Variants in FOXC1 observed in about 807,000 individuals in gnomAD.
FOXC1 encodes the protein forkhead box protein C1.
A neutral mutation model predicts 8.1 loss-of-function variants in FOXC1; 5 were observed. That is an observed-to-expected ratio of 0.62 (90% CI 0.32 to 1.30). The LOEUF (loss-of-function observed/expected upper bound fraction) is 1.30. Ranked by LOEUF, FOXC1 falls within the 50% of genes most tolerant of loss-of-function variation. The pLI is 0.05. For missense variants in FOXC1, 942 were observed against 858.0 expected (o/e 1.10, Z -1.22); for synonymous variants, 552 against 417.2 (o/e 1.32, Z -3.94).
At position 1,611,906 on chromosome 6, in the gene FOXC1, CGCGGCGGCG is replaced by C. The variant is rs747574884; in HGVS notation, c.1473_1481del (p.Ala493_Ala495del). On this transcript the variant is annotated inframe_deletion, in exon 1 of 1. Transcript: ENST00000645831. The surrounding 1 kb of genome is among the most constrained non-coding windows in gnomAD (Gnocchi z 7.1). Reference sequence around the variant, plus strand: ...GCGGAGACCTGGGCCACTTGGCGAGCGCGGCGGCGGCGGCGGCGGCCGCAGGCTACCCGG... The same window carrying C: ...GCGGAGACCTGGGCCACTTGGCGAGCGCGGCGGCGGCCGCAGGCTACCCGG... The C allele has an allele frequency of 2.1e-4, 324 of 1,536,736 alleles. 3 individuals carry two copies. In the South Asian group the frequency reaches 3.1e-3, roughly 15 times the overall value.
In FOXC1 at chr6:1,611,372, C is replaced by A. The variant is rs1762541775; in HGVS notation, c.927C>A (p.Ser309Arg). 1 of 1,445,644 alleles carries A rather than the reference C, an allele frequency of 6.9e-7. No individual in the cohort carries two copies. Among genetic ancestry groups the A allele is most frequent in the Admixed American group, 2.4e-5 (1 of 42,526 alleles). 89.6% of individuals were successfully genotyped at this position (1,445,644 alleles called of 1,614,324 possible). Reference protein sequence around the residue: ...APPPHHSQGFSVDNIMTSLRG... With the variant: ...APPPHHSQGFRVDNIMTSLRG... ...CGCCGCACCATAGCCAGGGCTTCAG[C>A]GTGGACAACATCATGACGTCGCTGC... Residue 309 changes from serine to arginine, a missense_variant, in exon 1 of 1, where the codon AGC (serine) becomes AGA (arginine). Coordinates refer to ENST00000645831, the MANE Select transcript of FOXC1 (RefSeq NM_001453.3). This position sits in a 1 kb window ranked among gnomAD's most constrained non-coding sequence, Gnocchi z 7.1.
Position 1,611,503 on chromosome 6 carries a change from A to G in FOXC1, c.1058A>G (p.Tyr353Cys). The G allele has an allele frequency of 7.3e-7, 1 of 1,368,886 alleles. No individual in the cohort carries two copies. Among genetic ancestry groups the G allele is most frequent in the Non-Finnish European group, 9.5e-7 (1 of 1,055,746 alleles). 84.8% of individuals were successfully genotyped at this position (1,368,886 alleles called of 1,614,324 possible). A position where few individuals can be genotyped will look rare whatever the true frequency, so the allele number is the denominator to read the frequency against. ...GIAPPLALGA[Y>C]SPGQSSLYSS... ...GCACCCCCGCTGGCGCTCGGCGCCTACTCGCCCGGCCAGAGCTCCCTCTAC... is the reference window on the plus strand; with the variant it reads ...GCACCCCCGCTGGCGCTCGGCGCCTGCTCGCCCGGCCAGAGCTCCCTCTAC... Residue 353 changes from tyrosine (Y) to cysteine (C), a missense_variant, in exon 1 of 1, where the codon TAC becomes TGC. By Grantham distance (194) the Tyr-to-Cys change is radical. Around this residue, in one of 4 missense-constraint regions of FOXC1, gnomAD observed 726 missense variants for 599.6 expected, o/e 1.21. Coordinates refer to ENST00000645831, the MANE Select transcript of FOXC1 (RefSeq NM_001453.3). The surrounding 1 kb of genome is among the most constrained non-coding windows in gnomAD (Gnocchi z 7.1).
chr6:1,611,183 G>T lies in FOXC1; in HGVS notation c.738G>T (p.Leu246=). ...AGCCCCTGTCCCCGGCCGCCGCCCT[G>T]GGCAGCGGCAGCGCCGCCGCGGTGC... ...PPQPLSPAAA[L]GSGSAAAVPK... is the part of the protein sequence containing the mutation. The change falls in exon 1 of 1, where the codon CTG becomes CTT. Residue 246 remains leucine (L), a synonymous_variant. Coordinates refer to ENST00000645831, the MANE Select transcript of FOXC1 (RefSeq NM_001453.3). This position sits in a 1 kb window ranked among gnomAD's most constrained non-coding sequence, Gnocchi z 7.1. The T allele has an allele frequency of 6.8e-7, 1 of 1,460,886 alleles. No homozygotes were observed. The highest frequency in any genetic ancestry group is 9.1e-7 in the Non-Finnish European group (1 of 1,104,438). The allele number at this position is 1,460,886 out of a possible 1,614,324, so 90.5% of individuals were successfully genotyped here. A position where few individuals can be genotyped will look rare whatever the true frequency, so the allele number is the denominator to read the frequency against.
At position 1,611,249 on chromosome 6, in the gene FOXC1, C is replaced by G. The variant is rs1040137792; in HGVS notation, c.804C>G (p.Ser268=). Residue 268 remains serine (S), a synonymous_variant, in exon 1 of 1, where the codon TCC becomes TCG. Coordinates refer to ENST00000645831, the MANE Select transcript of FOXC1 (RefSeq NM_001453.3). This position sits in a 1 kb window ranked among gnomAD's most constrained non-coding sequence, Gnocchi z 7.1. Reference sequence around the variant, plus strand: ...CCGACAGCAGCAGCAGCAGCCTGTCCAGCGGGAGCAGCCCCCCGGGCAGCC... The same window carrying G: ...CCGACAGCAGCAGCAGCAGCCTGTCGAGCGGGAGCAGCCCCCCGGGCAGCC... ...ESPDSSSSSL[S]SGSSPPGSLP... is the part of the protein sequence containing the mutation. 7.0e-7 allele frequency: 1 copy of G among 1,431,074 alleles called. No homozygotes were observed. Among genetic ancestry groups the G allele is most frequent in the Non-Finnish European group, 9.2e-7 (1 of 1,092,098 alleles). The allele number at this position is 1,431,074 out of a possible 1,614,324, so 88.6% of individuals were successfully genotyped here.
Position 1,611,426 on chromosome 6 carries a change from G to C in FOXC1, c.981G>C (p.Glu327Asp). ...GGTCGCCGCAGAGCGCGGCCGCGGA[G>C]CTCAGCTCCGGCCTTCTGGCCTCGG... The part of the protein sequence containing the change: ...LRGSPQSAAA[E>D]LSSGLLASAA... The change falls in exon 1 of 1, where the codon GAG becomes GAC. Residue 327 changes from glutamate to aspartate, a missense_variant. Around this residue, in one of 4 missense-constraint regions of FOXC1, gnomAD observed 726 missense variants for 599.6 expected, o/e 1.21. Transcript: ENST00000645831. The surrounding 1 kb of genome is among the most constrained non-coding windows in gnomAD (Gnocchi z 7.1). The C allele has an allele frequency of 7.0e-7, 1 of 1,437,206 alleles. No homozygotes were observed. Among genetic ancestry groups the C allele is most frequent in the African/African-American group, 1.5e-5 (1 of 67,232 alleles). 89.0% of individuals were successfully genotyped at this position (1,437,206 alleles called of 1,614,324 possible).
rs1762584704 is a variant in FOXC1 at position 1,613,141 on chromosome 6, C to T, written c.*1034C>T. 1 of 241,320 alleles carries T rather than the reference C, an allele frequency of 4.1e-6. No individual in the cohort carries two copies. The highest frequency in any genetic ancestry group is 5.7e-5 in the Admixed American group (1 of 17,544). 14.9% of individuals were successfully genotyped at this position (241,320 alleles called of 1,614,324 possible). A position where few individuals can be genotyped will look rare whatever the true frequency, so the allele number is the denominator to read the frequency against. On this transcript the variant is annotated 3_prime_UTR_variant, in exon 1 of 1. Transcript: ENST00000645831. Reference sequence around the variant, plus strand: ...GTCCATGATTCGGAAATTTTAAGCCCATGAATCAGCCGCGGTCTTACCACG... The same window carrying T: ...GTCCATGATTCGGAAATTTTAAGCCTATGAATCAGCCGCGGTCTTACCACG...
In FOXC1 at chr6:1,611,269, G is replaced by A; in HGVS notation, c.824G>A (p.Gly275Asp). 7.2e-7 allele frequency: 1 copy of A among 1,396,858 alleles called. No homozygotes were observed. The highest frequency in any genetic ancestry group is 9.3e-7 in the Non-Finnish European group (1 of 1,076,488). 86.5% of individuals were successfully genotyped at this position (1,396,858 alleles called of 1,614,324 possible). The change falls in exon 1 of 1, where the codon GGC becomes GAC. Residue 275 changes from glycine (G) to aspartate (D), a missense_variant. Gly to Asp is a moderately conservative substitution (Grantham distance 94). Transcript: ENST00000645831. This position sits in a 1 kb window ranked among gnomAD's most constrained non-coding sequence, Gnocchi z 7.1. ...SSLSSGSSPP[G>D]SLPSARPLSL... ...CTGTCCAGCGGGAGCAGCCCCCCGG[G>A]CAGCCTGCCGTCGGCGCGGCCGCTC...
chr6:1,613,451 A>G lies in FOXC1; in HGVS notation c.*1344A>G, dbSNP rs2745599. 0.56 allele frequency: 128,892 copies of G among 230,788 alleles called. 39,363 individuals carry two copies. Among genetic ancestry groups the G allele is most frequent in the East Asian group, 0.83 (11,933 of 14,310 alleles). The allele number at this position is 230,788 out of a possible 1,614,324, so 14.3% of individuals were successfully genotyped here. A position where few individuals can be genotyped will look rare whatever the true frequency, so the allele number is the denominator to read the frequency against. ...GTTGGAAAGGGATATTTAATCTTTG[A>G]GAAACTATTTTAGAAAATATGTTTG... On this transcript the variant is annotated 3_prime_UTR_variant, in exon 1 of 1. Coordinates refer to ENST00000645831, the MANE Select transcript of FOXC1 (RefSeq NM_001453.3).
chr6:1,613,425 G>T lies in FOXC1; in HGVS notation c.*1318G>T. On this transcript the variant is annotated 3_prime_UTR_variant, in exon 1 of 1. Transcript: ENST00000645831. ...ATTGCTTTTTTAAAAATATACTGCG[G>T]GTTGGAAAGGGATATTTAATCTTTG... The T allele has an allele frequency of 4.3e-6, 1 of 231,424 alleles. No homozygotes were observed. Among genetic ancestry groups the T allele is most frequent in the East Asian group, 6.9e-5 (1 of 14,420 alleles). The allele number at this position is 231,424 out of a possible 1,614,324, so 14.3% of individuals were successfully genotyped here.
rs1297907614 is a variant in FOXC1, at chr6:1,611,844, C to G, written c.1399C>G (p.Gln467Glu). 8 of 1,535,762 alleles carry G rather than the reference C, an allele frequency of 5.2e-6. No individual in the cohort carries two copies. The highest frequency in any genetic ancestry group is 1.2e-5 in the South Asian group (1 of 83,234). ...GGCCGGCCACCACCCTGCGGCCCAC[C>G]AAGGCCGCCTCACCTCGTGGTACCT... ...QEAGHHPAAH[Q>E]GRLTSWYLNQ... The change falls in exon 1 of 1, where the codon CAA becomes GAA. Residue 467 changes from glutamine (Q) to glutamate (E), a missense_variant. Around this residue, in one of 4 missense-constraint regions of FOXC1, gnomAD observed 726 missense variants for 599.6 expected, o/e 1.21. Coordinates refer to ENST00000645831, the MANE Select transcript of FOXC1 (RefSeq NM_001453.3). This position sits in a 1 kb window ranked among gnomAD's most constrained non-coding sequence, Gnocchi z 7.1.
Position 1,610,384 on chromosome 6 carries a change from C to G in FOXC1, c.-62C>G. 1.1e-6 allele frequency: 1 copy of G among 928,316 alleles called. No homozygotes were observed. Among genetic ancestry groups the G allele is most frequent in the Non-Finnish European group, 1.3e-6 (1 of 777,260 alleles). The allele number at this position is 928,316 out of a possible 1,614,324, so 57.5% of individuals were successfully genotyped here. A position where few individuals can be genotyped will look rare whatever the true frequency, so the allele number is the denominator to read the frequency against. On this transcript the variant is annotated 5_prime_UTR_variant, in exon 1 of 1. Transcript: ENST00000645831. ...CTCGGACTCGGCGGCCGGCGCGGCG[C>G]GGCCCGGCCCGAGCGAGGGTGGGGG...
At position 1,610,038 on chromosome 6, in the gene FOXC1, T is replaced by G. The variant is rs982437718; in HGVS notation, c.-408T>G. On this transcript the variant is annotated 5_prime_UTR_variant, in exon 1 of 1. Transcript: ENST00000645831. Reference sequence around the variant, plus strand: ...CGGCCCCCCCCCCCCCCGCCCTGGTTATTTGGCCGCCTTCGCCGGCAGCTC... The same window carrying G: ...CGGCCCCCCCCCCCCCCGCCCTGGTGATTTGGCCGCCTTCGCCGGCAGCTC... The G allele has an allele frequency of 4.0e-5, 4 of 99,976 alleles. No homozygotes were observed. Among genetic ancestry groups the G allele is most frequent in the African/African-American group, 1.6e-4 (4 of 25,554 alleles). The allele number at this position is 99,976 out of a possible 1,614,324, so 6.2% of individuals were successfully genotyped here.
At position 1,611,906 on chromosome 6, in the gene FOXC1, CGCG is replaced by C. The variant is rs747574884; in HGVS notation, c.1479_1481del (p.Ala495del). On this transcript the variant is annotated inframe_deletion, in exon 1 of 1. Coordinates refer to ENST00000645831, the MANE Select transcript of FOXC1 (RefSeq NM_001453.3). The surrounding 1 kb of genome is among the most constrained non-coding windows in gnomAD (Gnocchi z 7.1). Reference sequence around the variant, plus strand: ...GCGGAGACCTGGGCCACTTGGCGAGCGCGGCGGCGGCGGCGGCGGCCGCAGGCT... The same window carrying C: ...GCGGAGACCTGGGCCACTTGGCGAGCGCGGCGGCGGCGGCGGCCGCAGGCT... 1.1e-4 allele frequency: 161 copies of C among 1,512,666 alleles called. No individual in the cohort carries two copies. The highest frequency in any genetic ancestry group is 2.0e-4 in the East Asian group (8 of 39,232). The allele number at this position is 1,512,666 out of a possible 1,614,324, so 93.7% of individuals were successfully genotyped here.
rs1214895542 is a variant in FOXC1 at position 1,610,326 on chromosome 6, C to T, written c.-120C>T. 4.4e-6 allele frequency: 2 copies of T among 456,220 alleles called. No homozygotes were observed. Among genetic ancestry groups the T allele is most frequent in the East Asian group, 1.6e-4 (1 of 6,298 alleles). 28.3% of individuals were successfully genotyped at this position (456,220 alleles called of 1,614,324 possible). A position where few individuals can be genotyped will look rare whatever the true frequency, so the allele number is the denominator to read the frequency against. On this transcript the variant is annotated 5_prime_UTR_variant, in exon 1 of 1. Transcript: ENST00000645831. ...CGGCAGCGCAGCCGGACGCACAGCG[C>T]AGCGGGCCGGCACCAGCTCGGCCGG...
chr6:1,610,398 C>A lies in FOXC1; in HGVS notation c.-48C>A, dbSNP rs1429352258. The A allele has an allele frequency of 1.9e-6, 2 of 1,076,012 alleles. No individual in the cohort carries two copies. The highest frequency in any genetic ancestry group is 5.3e-5 in the Admixed American group (1 of 18,976). 66.7% of individuals were successfully genotyped at this position (1,076,012 alleles called of 1,614,324 possible). ...CCGGCGCGGCGCGGCCCGGCCCGAGCGAGGGTGGGGGGCGGCGGGCGGCGC... is the reference window on the plus strand; with the variant it reads ...CCGGCGCGGCGCGGCCCGGCCCGAGAGAGGGTGGGGGGCGGCGGGCGGCGC... On this transcript the variant is annotated 5_prime_UTR_variant, in exon 1 of 1. Transcript: ENST00000645831.
Position 1,611,873 on chromosome 6 carries a change from C to G in FOXC1, c.1428C>G (p.Asn476Lys). The G allele has an allele frequency of 6.5e-7, 1 of 1,543,560 alleles. No individual in the cohort carries two copies. Among genetic ancestry groups the G allele is most frequent in the South Asian group, 1.2e-5 (1 of 83,764 alleles). Residue 476 changes from asparagine to lysine, a missense_variant, in exon 1 of 1, where the codon AAC (asparagine) becomes AAG (lysine). Transcript: ENST00000645831. This position sits in a 1 kb window ranked among gnomAD's most constrained non-coding sequence, Gnocchi z 7.1. ...HQGRLTSWYL[N>K]QAGGDLGHLA... ...GCCGCCTCACCTCGTGGTACCTGAA[C>G]CAGGCGGGCGGAGACCTGGGCCACT...
rs1385840332 is a variant in FOXC1, at chr6:1,610,399, G to A, written c.-47G>A. On this transcript the variant is annotated 5_prime_UTR_variant, in exon 1 of 1. Transcript: ENST00000645831. The stretch of plus-strand genomic sequence containing the variant: ...CGGCGCGGCGCGGCCCGGCCCGAGC[G>A]AGGGTGGGGGGCGGCGGGCGGCGCG... The A allele has an allele frequency of 3.3e-5, 36 of 1,093,950 alleles. No individual in the cohort carries two copies. Among genetic ancestry groups the A allele is most frequent in the Admixed American group, 5.1e-5 (1 of 19,438 alleles). 67.8% of individuals were successfully genotyped at this position (1,093,950 alleles called of 1,614,324 possible). A position where few individuals can be genotyped will look rare whatever the true frequency, so the allele number is the denominator to read the frequency against.
At position 1,612,183 on chromosome 6, in the gene FOXC1, C is replaced by CAA; in HGVS notation, c.*76_*77insAA. On this transcript the variant is annotated 3_prime_UTR_variant, in exon 1 of 1. Coordinates refer to ENST00000645831, the MANE Select transcript of FOXC1 (RefSeq NM_001453.3). ...GGAACCCATCAAGGCAAAATCGAAA[C>CAA]TAAAAAAAAAAAATCCAATTAAAAA... 6.3e-7 allele frequency: 1 copy of CAA among 1,581,026 alleles called. No individual in the cohort carries two copies. The highest frequency in any genetic ancestry group is 1.4e-5 in the African/African-American group (1 of 71,372).
Position 1,610,579 on chromosome 6 carries a change from G to A in FOXC1, c.134G>A (p.Ser45Asn). The change falls in exon 1 of 1, where the codon AGC (serine) becomes AAC (asparagine). Residue 45 changes from serine to asparagine, a missense_variant. By Grantham distance (46) the Ser-to-Asn change is conservative. Transcript: ENST00000645831. The stretch of plus-strand genomic sequence containing the variant: ...TACACCGCCATGCCGGCCCCCATGA[G>A]CGTGTACTCGCACCCTGCGCACGCC... The part of the protein sequence containing the change: ...GGYTAMPAPM[S>N]VYSHPAHAEQ... The A allele has an allele frequency of 6.3e-7, 1 of 1,593,520 alleles. No individual in the cohort carries two copies. Among genetic ancestry groups the A allele is most frequent in the Non-Finnish European group, 8.5e-7 (1 of 1,171,234 alleles).
Sources: allele counts gnomAD v4.1 joint callset, GRCh38; gene constraint gnomAD v4.1.1; regional missense constraint gnomAD v4.1.1; non-coding constraint Gnocchi (gnomAD v3.1); transcripts MANE v1.5; gene names NCBI Gene and HGNC (gene_info 2026-07-23, HGNC 2026-07-21).